The following SSBP3 variants were observed in gnomAD, a reference collection of about 807,000 sequenced individuals.
SSBP3 encodes single-stranded DNA-binding protein 3.
Under a neutral mutation model 69.6 loss-of-function variants are expected in SSBP3, and 5 were observed. That is an observed-to-expected ratio of 0.07 (90% CI 0.04 to 0.15). SSBP3 has a LOEUF of 0.15. Among genes scored for constraint, SSBP3 ranks in the 10% least tolerant of loss-of-function variants. SSBP3 has a pLI of 1.00. For synonymous variants in SSBP3, 196 were observed against 193.4 expected (o/e 1.01, Z -0.11); for missense variants, 312 against 534.0 (o/e 0.58, Z 4.10).
At chr1:54,405,112 G>A (rs1278701529) in intron 1 of SSBP3, among the ~76,000 whole-genome samples, 182 bp from the exon 2 acceptor site, 2 of 152,156 alleles carry the variant, frequency 1.3e-5, no homozygotes, top group Non-Finnish European at 1.5e-5. Flanking sequence ...AGGGGGTGGG[G>A]ACCAGGGAAC....
chr1:54,243,263 G>T (rs751770494), exon 10 of SSBP3: 1 of 1,613,968 alleles, frequency 6.2e-7, no homozygotes, highest in Non-Finnish European at 8.5e-7. Flanking sequence ...GCGGGGCCGA[G>T]GGAGTTGGGT....
intron 4 of SSBP3, among the ~76,000 whole-genome samples, chr1:54,377,266 C>T (rs1647276572): frequency 6.6e-6 from 1 of 152,234 alleles, no homozygotes; most frequent in South Asian, 2.1e-4. Context: ...TCCCTTTCCC[C>T]ACAAGGTCTG....
At chr1:54,349,490 C>A (rs1182982358) in intron 4 of SSBP3, among the ~76,000 whole-genome samples, 1 of 152,230 alleles carries the variant, frequency 6.6e-6, no homozygotes, top group Non-Finnish European at 1.5e-5. Flanking sequence ...AAACAAGCAG[C>A]CTTGGCCCAT....
chr1:54,306,675 T>C (rs1645907104), intron 4 of SSBP3, among the ~76,000 whole-genome samples: 1 of 152,208 alleles, frequency 6.6e-6, no homozygotes. Flanking sequence ...TCTCTTAATC[T>C]ACCTTTATAC....
At position 54,228,816 on chromosome 1, in the gene SSBP3, C is replaced by G. The variant is rs752690465; in HGVS notation, c.938G>C (p.Gly313Ala). ...GCCCATCGGACCGTCCGAGCCGGGACCCATCGGGAACTGGGGAAGAAGCAC... is the reference window on the plus strand; with the variant it reads ...GCCCATCGGACCGTCCGAGCCGGGAGCCATCGGGAACTGGGGAAGAAGCAC... The change falls in exon 15 of 18, where the codon GGT (glycine) becomes GCT (alanine). Residue 313 changes from glycine to alanine, a missense_variant. Gly to Ala is a moderately conservative substitution (Grantham distance 60). This residue lies in a region of SSBP3 where 63 missense variants were observed against 137.2 expected (regional missense o/e 0.46). Coordinates refer to ENST00000610401, the Ensembl canonical transcript of SSBP3. The G allele has an allele frequency of 9.3e-6, 15 of 1,611,880 alleles. No homozygotes were observed. In the South Asian group the frequency reaches 1.2e-4, roughly 13 times the overall value.
Position 54,404,938 on chromosome 1 carries a change from G to A in SSBP3, c.57-8C>T. 2 of 1,611,592 alleles carry A rather than the reference G, an allele frequency of 1.2e-6. No homozygotes were observed. Among genetic ancestry groups the A allele is most frequent in the Non-Finnish European group, 8.5e-7 (1 of 1,179,334 alleles). On this transcript the variant is annotated splice_polypyrimidine_tract_variant and splice_region_variant and intron_variant, in intron 1 of 17. Coordinates refer to ENST00000610401, the Ensembl canonical transcript of SSBP3. ...TAGACGTATAAAGCTAACCTGGAAA[G>A]TGGACAGGGGGCAAAGAGAGAGAGG... is the stretch of plus-strand genomic sequence containing the variant.
At chr1:54,407,749 A>ATTTT (rs532968816), upstream of SSBP3, among the ~76,000 whole-genome samples, 1,061 of 97,482 alleles carry the variant, frequency 0.011, 42 homozygotes, top group Non-Finnish European at 0.015. Flanking sequence ...GCCTAGGTTG[A>ATTTT]TTTTTTTTTT....
At chr1:54,374,219 C>T (rs955663051) in intron 4 of SSBP3, among the ~76,000 whole-genome samples, 2 of 152,188 alleles carry the variant, frequency 1.3e-5, no homozygotes, top group East Asian at 1.9e-4. Flanking sequence ...GGAATGTGTG[C>T]GGAGGCAGGT....
intron 4 of SSBP3, among the ~76,000 whole-genome samples, chr1:54,349,500 T>C (rs889422797): frequency 6.6e-6 from 1 of 152,172 alleles, no homozygotes; most frequent in African/African-American, 2.4e-5. Context: ...CCTTGGCCCA[T>C]ATCCTGGGAA....
intron 5 of SSBP3, among the ~76,000 whole-genome samples, chr1:54,262,385 C>T (rs138259145): frequency 1.9e-3 from 292 of 152,208 alleles, no homozygotes; most frequent in African/African-American, 5.8e-3. Flanking sequence ...TACAAGACTG[C>T]GAGCAGCACC....
intron 14 of SSBP3, among the ~76,000 whole-genome samples, chr1:54,229,673 C>T (rs1474437689): frequency 3.3e-5 from 5 of 152,158 alleles, no homozygotes; most frequent in African/African-American, 4.8e-5. Flanking sequence ...CCACGAGTCA[C>T]GGGGCTGGGG....
At chr1:54,266,582 A>G (rs887345061) in intron 5 of SSBP3, among the ~76,000 whole-genome samples, 3 of 152,222 alleles carry the variant, frequency 2.0e-5, no homozygotes, top group African/African-American at 7.2e-5. Flanking sequence ...AAAAAAGTGG[A>G]GTCTTCTGTA....
At chr1:54,396,320 C>CTAATGCACT (rs2100790172) in intron 4 of SSBP3, among the ~76,000 whole-genome samples, 1 of 150,888 alleles carries the variant, frequency 6.6e-6, no homozygotes, top group South Asian at 2.1e-4. Flanking sequence ...TGTGAATAGT[C>CTAATGCACT]TAATGCACTT....
At chr1:54,313,435 CTTTTTTTTTTTT>C (rs752753963) in intron 4 of SSBP3, among the ~76,000 whole-genome samples, 9 of 86,412 alleles carry the variant, frequency 1.0e-4, no homozygotes, top group South Asian at 3.8e-4. Flanking sequence ...TGTGCCTGTG[CTTTTTTTTTTTT>C]TTTTTTTTTT....
At chr1:54,245,276 AGTCTCC>A (rs55775969) in intron 9 of SSBP3, among the ~76,000 whole-genome samples, 97,138 of 151,682 alleles carry the variant, frequency 0.64, 31,989 homozygotes, top group African/African-American at 0.8. Context: ...TTCCCACTTC[AGTCTCC>A]CAGAAAAGGA....
intron 4 of SSBP3, among the ~76,000 whole-genome samples, chr1:54,321,665 G>A (rs1646216223): frequency 6.6e-6 from 1 of 152,216 alleles, no homozygotes; most frequent in South Asian, 2.1e-4. Context: ...AAGAATGCAC[G>A]CACAGCTTCA....
At chr1:54,406,886 C>T (rs982277631), upstream of SSBP3, among the ~76,000 whole-genome samples, 93 of 151,598 alleles carry the variant, frequency 6.1e-4, 1 homozygote, top group Admixed American at 1.3e-3. Flanking sequence ...CCTTATCTCG[C>T]CCTCCGCTCT....
intron 4 of SSBP3, among the ~76,000 whole-genome samples, chr1:54,342,779 A>G (rs1211119487): frequency 6.6e-6 from 1 of 152,144 alleles, no homozygotes; most frequent in Non-Finnish European, 1.5e-5. Flanking sequence ...TCATGCGGAA[A>G]GGCACCTGGC....
chr1:54,367,209 T>C lies in SSBP3; in HGVS notation c.276+34652A>G, dbSNP rs967778192. 1.1e-4 allele frequency among the ~76,000 whole-genome samples: 16 copies of C among 152,286 alleles called. No individual in the cohort carries two copies. In the South Asian group the frequency reaches 2.3e-3, roughly 22 times the overall value. ...CAAAATGATCTACTTGGGCAAAAGA[T>C]AGGTGCGGGGGAGAATGCCACCAAT... On this transcript the variant is annotated intron_variant, in intron 4 of 17. Coordinates refer to ENST00000610401, the Ensembl canonical transcript of SSBP3.
Sources: gnomAD v4.1 joint callset for allele counts (sites outside exome capture counted in the v4.1 genomes callset) on GRCh38, gnomAD v4.1.1 for gene constraint, gnomAD v4.1.1 regional missense constraint, MANE v1.5 for transcripts, NCBI Gene and HGNC (gene_info 2026-07-23, HGNC 2026-07-21) for gene names.